The following ANK1 variants were observed in gnomAD, a reference collection of about 807,000 sequenced individuals.
The protein encoded by ANK1 is ankyrin 1.
ANK1 carries 51 observed loss-of-function variants against 210.4 expected under a neutral mutation model. That is an observed-to-expected ratio of 0.24 (90% CI 0.19 to 0.31). The LOEUF (loss-of-function observed/expected upper bound fraction) is 0.31, where lower values mean the gene tolerates loss of function less well. Ranked by LOEUF, ANK1 falls within the 10% of genes least tolerant of loss-of-function variation. ANK1 has a pLI of 1.00. For missense variants in ANK1, 2,051 were observed against 2,504.4 expected, an observed-to-expected ratio of 0.82 and a Z score of 3.86; for synonymous variants, 967 against 1,025.9, an observed-to-expected ratio of 0.94 and a Z score of 1.10.
intron 16 of ANK1, among the ~76,000 whole-genome samples, chr8:41,713,271 G>A (rs1826675630): frequency 6.6e-6 from 1 of 152,212 alleles, no homozygotes; most frequent in Non-Finnish European, 1.5e-5. Flanking sequence ...TGTGGCTTTT[G>A]TCTTCCTGGC....
At chr8:41,791,439 C>T (rs1361541776) in intron 1 of ANK1, among the ~76,000 whole-genome samples, 1 of 149,974 alleles carries the variant, frequency 6.7e-6, no homozygotes, top group African/African-American at 2.5e-5. Flanking sequence ...TTCTCTCTCT[C>T]TTTCTTTCTT....
chr8:41,707,426 G>A (rs997593543), intron 17 of ANK1, among the ~76,000 whole-genome samples: 1 of 152,102 alleles, frequency 6.6e-6, no homozygotes, highest in Admixed American at 6.5e-5. Flanking sequence ...TGCACACCCC[G>A]CAGGCTGCCC....
rs1028088529 is a variant in ANK1, at chr8:41,715,693, C to T, written c.1561G>A (p.Ala521Thr). Residue 521 changes from alanine to threonine, a missense_variant, in exon 14 of 43, where the codon GCC (alanine) becomes ACC (threonine). This residue lies in a region of ANK1 where 1,413 missense variants were observed against 1,707.4 expected (regional missense o/e 0.83). Transcript: ENST00000289734. ...AREGHVETVL[A>T]LLEKEASQAC... is the part of the protein sequence containing the mutation. ...TGGGATGCTTCCTTTTCCAGAAGGG[C>T]CAGGACTGTTTCCACATGGCCCTCA... 5 of 1,613,948 alleles carry T rather than the reference C, an allele frequency of 3.1e-6. No individual in the cohort carries two copies. Among genetic ancestry groups the T allele is most frequent in the Non-Finnish European group, 4.2e-6 (5 of 1,180,010 alleles).
chr8:41,707,549 G>A (rs550063492), intron 17 of ANK1, among the ~76,000 whole-genome samples: 2 of 152,324 alleles, frequency 1.3e-5, no homozygotes, highest in African/African-American at 4.8e-5. Context: ...CTCGGTTGAG[G>A]AGTGACTGTG....
chr8:41,723,783 T>A (rs1421941999), intron 7 of ANK1, 150 bp from the exon 8 acceptor site: 7 of 511,140 alleles, frequency 1.4e-5, no homozygotes, highest in Non-Finnish European at 2.0e-5. Flanking sequence ...TTATTTTTTT[T>A]TATTTTTTAT....
intron 1 of ANK1, among the ~76,000 whole-genome samples, chr8:41,859,643 C>A (rs1812894601): frequency 6.6e-6 from 1 of 152,256 alleles, no homozygotes; most frequent in Non-Finnish European, 1.5e-5. Context: ...CTGCGCCCAG[C>A]CTTAGTGGCT....
rs1203665320 is a variant in ANK1, at chr8:41,727,259, T to C, written c.417A>G (p.Val139=). 1 of 1,613,990 alleles carries C rather than the reference T, an allele frequency of 6.2e-7. No homozygotes were observed. The highest frequency in any genetic ancestry group is 1.1e-5 in the South Asian group (1 of 91,080). ...TTTCCAAGGTACTTACTTCTGTGGC[T>C]ACATTCTGGTTAGCTCCATTTTCCA... ...FLLENGANQN[V]ATEDGFTPLA... is the part of the protein sequence containing the mutation. Residue 139 remains valine, a synonymous_variant, in exon 5 of 43, where the codon GTA becomes GTG. Transcript: ENST00000289734.
At chr8:41,784,958 G>T (rs1846050553) in intron 1 of ANK1, among the ~76,000 whole-genome samples, 1 of 152,224 alleles carries the variant, frequency 6.6e-6, no homozygotes, top group African/African-American at 2.4e-5. Context: ...GCTTCCAAGG[G>T]TTCCATCTGA....
chr8:41,803,085 G>GGAAGGAAGGAAAGGAAAGGAAAGGA (rs1563811160), intron 1 of ANK1, among the ~76,000 whole-genome samples: 1 of 59,996 alleles, frequency 1.7e-5, no homozygotes, highest in Non-Finnish European at 3.1e-5. Context: ...GGAAGGAAGG[G>GGAAGGAAGGAAAGGAAAGGAAAGGA]AAGGAAAGGA....
rs1279640322 is a variant in ANK1, at chr8:41,704,586, T to G, written c.2098-114A>C. On this transcript the variant is annotated intron_variant, in intron 18 of 42. Transcript: ENST00000289734. This position sits in a 1 kb window ranked among gnomAD's most constrained non-coding sequence, Gnocchi z 4.1. ...AACGGACAGGGAGCCCCTTGAAGGC[T>G]GACATTGACAAGCTGAATGGCTGCT... is the stretch of plus-strand genomic sequence containing the variant. 17 of 898,278 alleles carry G rather than the reference T, an allele frequency of 1.9e-5. No individual in the cohort carries two copies. The highest frequency in any genetic ancestry group is 2.9e-5 in the Non-Finnish European group (16 of 550,356). 55.6% of individuals were successfully genotyped at this position (898,278 alleles called of 1,614,324 possible).
intron 1 of ANK1, among the ~76,000 whole-genome samples, chr8:41,810,640 G>A (rs900217530): frequency 6.6e-6 from 1 of 152,228 alleles, no homozygotes; most frequent in Non-Finnish European, 1.5e-5. Flanking sequence ...CTCTTCTGGC[G>A]TCCCTGACGG....
chr8:41,810,249 T>A (rs1255647319), intron 1 of ANK1, among the ~76,000 whole-genome samples: 1 of 152,232 alleles, frequency 6.6e-6, no homozygotes, highest in African/African-American at 2.4e-5. Context: ...ATTTCCTAAA[T>A]CCAGGTGGCG....
At chr8:41,699,396 G>T in intron 23 of ANK1, 56 bp downstream of exon 23, 1 of 1,518,040 alleles carries the variant, frequency 6.6e-7, no homozygotes, top group Non-Finnish European at 9.1e-7. Flanking sequence ...TCCCTGCTCT[G>T]AGCCACAGGG....
At chr8:41,692,512 G>A (rs2150589199) in intron 31 of ANK1, 136 bp downstream of exon 31, 2 of 840,210 alleles carry the variant, frequency 2.4e-6, no homozygotes, top group Middle Eastern at 3.6e-4. Context: ...CTTCTCAAGA[G>A]GGGTCTCAAA....
intron 1 of ANK1, among the ~76,000 whole-genome samples, chr8:41,812,798 G>T (rs993234273): frequency 1.3e-5 from 2 of 152,088 alleles, no homozygotes; most frequent in African/African-American, 4.8e-5. Flanking sequence ...TAAGGAGTGC[G>T]CAACCTAGAT....
chr8:41,877,523 C>G (rs1270468115), intron 1 of ANK1, among the ~76,000 whole-genome samples: 1 of 152,222 alleles, frequency 6.6e-6, no homozygotes, highest in Non-Finnish European at 1.5e-5. Context: ...TTATGGAGAA[C>G]CAACTGTGTG....
chr8:41,711,497 C>G (rs1826110507), intron 16 of ANK1, among the ~76,000 whole-genome samples: 1 of 152,176 alleles, frequency 6.6e-6, no homozygotes, highest in East Asian at 1.9e-4. Context: ...ATCAACAGGA[C>G]CCAAGGCCAC....
chr8:41,719,795 A>G lies in ANK1; in HGVS notation c.973T>C (p.Leu325=). 1 of 1,614,110 alleles carries G rather than the reference A, an allele frequency of 6.2e-7. No individual in the cohort carries two copies. The highest frequency in any genetic ancestry group is 8.5e-7 in the Non-Finnish European group (1 of 1,180,008). Residue 325 remains leucine (L), a synonymous_variant, in exon 10 of 43, where the codon TTG becomes CTG. Transcript: ENST00000289734. ...GDHLDCVRLL[L]QYDAEIDDIT... ...TCGTCTATCTCTGCGTCGTATTGCA[A>G]CAGGAGCCGGACACAGTCGAGGTGG...
Position 41,692,888 on chromosome 8 carries a change from G to C in ANK1, c.3630-12C>G. The C allele has an allele frequency of 2.5e-6, 4 of 1,611,768 alleles. No individual in the cohort carries two copies. The highest frequency in any genetic ancestry group is 3.4e-6 in the Non-Finnish European group (4 of 1,178,174). ...CCGACAGCCAAAACCTAAAAAGTAG[G>C]GCGAGTTATGTGTTCCCAAGTGCCC... On this transcript the variant is annotated splice_polypyrimidine_tract_variant and intron_variant, in intron 30 of 42. Coordinates refer to ENST00000289734, the MANE Select transcript of ANK1 (RefSeq NM_000037.4).
Sources: gnomAD v4.1 joint callset for allele counts (sites outside exome capture counted in the v4.1 genomes callset) on GRCh38, gnomAD v4.1.1 for gene constraint, gnomAD v4.1.1 regional missense constraint, Gnocchi (gnomAD v3.1) non-coding constraint, MANE v1.5 for transcripts, NCBI Gene and HGNC (gene_info 2026-07-23, HGNC 2026-07-21) for gene names.